The following UGGT1 variants were observed in gnomAD, a reference collection of about 807,000 sequenced individuals.
UGGT1 encodes the protein UDP-glucose glycoprotein glucosyltransferase 1, also known as UDP-glucose:glycoprotein glucosyltransferase 1.
UGGT1 carries 107 observed loss-of-function variants against 203.9 expected under a neutral mutation model. The observed-to-expected ratio is 0.52, with a 90% CI of 0.45 to 0.62. The LOEUF (loss-of-function observed/expected upper bound fraction) is 0.62, where lower values mean the gene tolerates loss of function less well. UGGT1 is among the 20% of genes least tolerant of loss of function. The pLI, the probability that UGGT1 is intolerant of heterozygous loss-of-function variation, is 0.00. For synonymous variants in UGGT1, 628 were observed against 653.5 expected, an observed-to-expected ratio of 0.96 and a Z score of 0.59; for missense variants, 1,673 against 1,867.2, an observed-to-expected ratio of 0.90 and a Z score of 1.92.
At chr2:128,173,151 C>T (rs529594542) in intron 29 of UGGT1, among the ~76,000 whole-genome samples, 2 of 152,348 alleles carry the variant, frequency 1.3e-5, no homozygotes, top group African/African-American at 4.8e-5. Context: ...CTGTAACTGG[C>T]TTCTTTCACA....
At chr2:128,164,495 A>G (rs982542939) in intron 25 of UGGT1, among the ~76,000 whole-genome samples, 2 of 152,224 alleles carry the variant, frequency 1.3e-5, no homozygotes, top group Non-Finnish European at 2.9e-5. Context: ...AGAGTTGTGC[A>G]GTTTTACTAG....
At chr2:128,098,980 G>A (rs549778015) in intron 2 of UGGT1, among the ~76,000 whole-genome samples, 11 of 152,234 alleles carry the variant, frequency 7.2e-5, no homozygotes, top group African/African-American at 2.4e-4. Flanking sequence ...CTCAAGTGAT[G>A]TAGAGGTGGA....
chr2:128,091,765 C>G (rs1474630900), intron 1 of UGGT1, among the ~76,000 whole-genome samples: 1 of 152,098 alleles, frequency 6.6e-6, no homozygotes, highest in Non-Finnish European at 1.5e-5. Flanking sequence ...TTTGCAGGAC[C>G]CTGATTGCAG....
At chr2:128,186,597 A>AC in intron 38 of UGGT1, 86 bp from the exon 39 acceptor site, 3 of 1,100,356 alleles carry the variant, frequency 2.7e-6, no homozygotes, top group Non-Finnish European at 3.9e-6. Context: ...ACAGAGTGGG[A>AC]CCCCATCTCT....
At chr2:128,109,208 G>C (rs923343794) in intron 4 of UGGT1, among the ~76,000 whole-genome samples, 5 of 150,284 alleles carry the variant, frequency 3.3e-5, no homozygotes, top group Non-Finnish European at 4.4e-5. Context: ...TGCATTTATT[G>C]ATTTTGTTTT....
At position 128,152,862 on chromosome 2, in the gene UGGT1, A is replaced by G; in HGVS notation, c.2095A>G (p.Ile699Val). The G allele has an allele frequency of 6.2e-7, 1 of 1,613,996 alleles. No homozygotes were observed. The highest frequency in any genetic ancestry group is 8.5e-7 in the Non-Finnish European group (1 of 1,179,992). ...PNVVPRINSR[I>V]LTAERDYLDL... The stretch of plus-strand genomic sequence containing the variant: ...TGTTGTTCCACGAATCAATTCTAGG[A>G]TTTTGACAGCTGAACGAGACTACCT... The change falls in exon 19 of 41, where the codon ATT becomes GTT. Residue 699 changes from isoleucine (I) to valine (V), a missense_variant. Coordinates refer to ENST00000259253, the MANE Select transcript of UGGT1 (RefSeq NM_020120.4).
chr2:128,107,929 C>G lies in UGGT1; in HGVS notation c.278-9C>G. 6.2e-7 allele frequency: 1 copy of G among 1,613,646 alleles called. No individual in the cohort carries two copies. Among genetic ancestry groups the G allele is most frequent in the African/African-American group, 1.3e-5 (1 of 75,020 alleles). ...CGCAATTACTTTGGTTAATGTTCTT[C>G]CTTGACAGGTACCGATTATTCCTAC... is the stretch of plus-strand genomic sequence containing the variant. On this transcript the variant is annotated splice_polypyrimidine_tract_variant and intron_variant, in intron 3 of 40. Transcript: ENST00000259253.
chr2:128,178,685 TCTGAGCATTGTGA>T, intron 34 of UGGT1, 116 bp downstream of exon 34: 1 of 858,604 alleles, frequency 1.2e-6, no homozygotes, highest in African/African-American at 1.7e-5. Context: ...TTTGAAGCAC[TCTGAGCATTGTGA>T]CTGGCTTGCC....
In UGGT1 at chr2:128,183,909, G is replaced by GGTGTGTGTGTGT. The variant is rs558911313; in HGVS notation, c.4359+138_4359+149dup. 823 of 339,126 alleles carry GGTGTGTGTGTGT rather than the reference G, an allele frequency of 2.4e-3. 8 individuals carry two copies. Among genetic ancestry groups the GGTGTGTGTGTGT allele is most frequent in the Middle Eastern group, 6.7e-3 (11 of 1,650 alleles). The allele number at this position is 339,126 out of a possible 1,614,324, so 21.0% of individuals were successfully genotyped here. On this transcript the variant is annotated intron_variant, in intron 38 of 40. Coordinates refer to ENST00000259253, the MANE Select transcript of UGGT1 (RefSeq NM_020120.4). ...ACAGGATGGCGTCTTGTTTTTTCAT[G>GGTGTGTGTGTGT]GTGTGTGTGTGTGTGTGTGTGTGTG...
At chr2:128,136,291 A>G (rs1689127441) in intron 15 of UGGT1, among the ~76,000 whole-genome samples, 1 of 152,264 alleles carries the variant, frequency 6.6e-6, no homozygotes, top group African/African-American at 2.4e-5. Flanking sequence ...TGTATGATGT[A>G]AAGTATTCAC....
chr2:128,124,209 G>C (rs1273030158), intron 11 of UGGT1, among the ~76,000 whole-genome samples: 1 of 152,172 alleles, frequency 6.6e-6, no homozygotes, highest in African/African-American at 2.4e-5. Context: ...GCCTCCCAAA[G>C]TGCTGGGATT....
Position 128,147,957 on chromosome 2 carries a change from T to TA in UGGT1, c.2016+1992dup, listed in dbSNP as rs773667091. ...GTTTTTGACAACTAGGAATTTGAAATAATATAATGTGACACTTCTTCACCG... is the reference window on the plus strand; with the variant it reads ...GTTTTTGACAACTAGGAATTTGAAATAAATATAATGTGACACTTCTTCACCG... On this transcript the variant is annotated intron_variant, in intron 18 of 40. Coordinates refer to ENST00000259253, the MANE Select transcript of UGGT1 (RefSeq NM_020120.4). Among the ~76,000 whole-genome samples the TA allele has an allele frequency of 2.6e-5, 4 of 152,332 alleles. No individual in the cohort carries two copies. The East Asian group carries it at 7.7e-4, about 29-fold the overall frequency.
At position 128,161,975 on chromosome 2, in the gene UGGT1, A is replaced by G. The variant is rs938901446; in HGVS notation, c.2825+707A>G. ...GTACCATTTTACATTCCCACTGGCA[A>G]TGCTCAAGGGTGCCGGTTTCTCCAC... On this transcript the variant is annotated intron_variant, in intron 25 of 40. Coordinates refer to ENST00000259253, the MANE Select transcript of UGGT1 (RefSeq NM_020120.4). 3.3e-5 allele frequency among the ~76,000 whole-genome samples: 5 copies of G among 152,166 alleles called. No individual in the cohort carries two copies. In the East Asian group the frequency reaches 5.8e-4, roughly 18 times the overall value.
intron 17 of UGGT1, among the ~76,000 whole-genome samples, 156 bp downstream of exon 17, chr2:128,143,381 A>G (rs1689532457): frequency 6.6e-6 from 1 of 152,238 alleles, no homozygotes; most frequent in Non-Finnish European, 1.5e-5. Flanking sequence ...CAGTGTTTGA[A>G]AAAGTTTTTA....
At chr2:128,117,935 A>C (rs1688195494) in intron 8 of UGGT1, among the ~76,000 whole-genome samples, 1 of 150,962 alleles carries the variant, frequency 6.6e-6, no homozygotes, top group African/African-American at 2.4e-5. Flanking sequence ...ATTCTGCTTT[A>C]TCTGGCAGTT....
chr2:128,145,703 T>G, intron 17 of UGGT1, 100 bp from the exon 18 acceptor site: 1 of 1,039,324 alleles, frequency 9.6e-7, no homozygotes, highest in Non-Finnish European at 1.3e-6. Flanking sequence ...AATATTTCTA[T>G]TGATTGTTGT....
intron 38 of UGGT1, 111 bp downstream of exon 38, chr2:128,183,900 T>G: frequency 1.5e-6 from 1 of 669,944 alleles, no homozygotes; most frequent in Non-Finnish European, 2.5e-6. Context: ...TGGCGTCTTG[T>G]TTTTTCATGG....
chr2:128,162,065 C>T (rs1277136874), intron 25 of UGGT1, among the ~76,000 whole-genome samples: 2 of 152,090 alleles, frequency 1.3e-5, no homozygotes, highest in African/African-American at 4.8e-5. Flanking sequence ...TTATAATAGC[C>T]ATCCTCGTGG....
At chr2:128,151,295 G>C in intron 18 of UGGT1, 1 of 581,868 alleles carries the variant, frequency 1.7e-6, no homozygotes, top group Non-Finnish European at 3.3e-6. Flanking sequence ...TGCTTCTTGG[G>C]CTGTTTCAGC....
Sources: allele counts gnomAD v4.1 joint callset (sites outside exome capture counted in the v4.1 genomes callset), GRCh38; gene constraint gnomAD v4.1.1; transcripts MANE v1.5; gene names NCBI Gene and HGNC (gene_info 2026-07-23, HGNC 2026-07-21).